FNIP2: variants seen among roughly 807,000 people sequenced by gnomAD.
FNIP2 encodes folliculin interacting protein 2.
A neutral mutation model predicts 108.7 loss-of-function variants in FNIP2; 32 were observed. The observed-to-expected ratio is 0.29, with a 90% CI of 0.22 to 0.40. FNIP2 has a LOEUF of 0.40. FNIP2 is among the 10% of genes least tolerant of loss of function. The pLI, the probability that FNIP2 is intolerant of heterozygous loss-of-function variation, is 1.00. For synonymous variants in FNIP2, 480 were observed against 496.7 expected, an observed-to-expected ratio of 0.97 and a Z score of 0.45; for missense variants, 1,202 against 1,381.6, an observed-to-expected ratio of 0.87 and a Z score of 2.06.
intron 14 of FNIP2, chr4:158,871,383 A>G (rs1475752632): frequency 1.0e-6 from 1 of 985,214 alleles, no homozygotes; most frequent in Non-Finnish European, 1.2e-6. Context: ...TTGGCCTGTT[A>G]CCTACCTCCT....
intron 1 of FNIP2, among the ~76,000 whole-genome samples, chr4:158,800,821 T>A (rs1273220730): frequency 6.6e-6 from 1 of 152,238 alleles, no homozygotes; most frequent in Admixed American, 6.5e-5. Flanking sequence ...ATAAGAATTT[T>A]CTATGTTTCA....
At chr4:158,888,331 T>A (rs920371346) in intron 14 of FNIP2, among the ~76,000 whole-genome samples, 2 of 152,220 alleles carry the variant, frequency 1.3e-5, no homozygotes. Flanking sequence ...GGGGCCTGCA[T>A]GCATAAAAGT....
intron 1 of FNIP2, among the ~76,000 whole-genome samples, chr4:158,821,016 G>C (rs1015029125): frequency 6.6e-6 from 1 of 152,232 alleles, no homozygotes; most frequent in African/African-American, 2.4e-5. Flanking sequence ...CTGTGTTTCA[G>C]ATCACTTGAA....
At chr4:158,844,276 G>A (rs1226552144) in intron 7 of FNIP2, among the ~76,000 whole-genome samples, 1 of 152,128 alleles carries the variant, frequency 6.6e-6, no homozygotes, top group East Asian at 1.9e-4. Flanking sequence ...ATATTTGAAT[G>A]AGGGGGGGAA....
chr4:158,822,547 G>A (rs1227362885), intron 1 of FNIP2, among the ~76,000 whole-genome samples: 1 of 152,034 alleles, frequency 6.6e-6, no homozygotes, highest in Non-Finnish European at 1.5e-5. Context: ...ACCAGAGTCG[G>A]AGTGCAGTGG....
intron 10 of FNIP2, 88 bp downstream of exon 10, chr4:158,859,754 G>C: frequency 8.9e-7 from 1 of 1,122,644 alleles, no homozygotes; most frequent in Non-Finnish European, 1.3e-6. Context: ...AGAATTGGGG[G>C]CCTGGCAGTT....
rs1780282960 is a variant in FNIP2, at chr4:158,861,343, G to A, written c.1150G>A (p.Gly384Arg). Reference protein sequence around the residue: ...RLMEALGEFRGTIWNLYSVPR... With the variant: ...RLMEALGEFRRTIWNLYSVPR... Reference sequence around the variant, plus strand: ...TTTCCCTCTCTTTCTGTTCTATAGAGGAACTATCTGGAACTTATATTCTGT... The same window carrying A: ...TTTCCCTCTCTTTCTGTTCTATAGAAGAACTATCTGGAACTTATATTCTGT... The change falls in exon 11 of 17, where the codon GGA (glycine) becomes AGA (arginine). Residue 384 changes from glycine (G) to arginine (R), a missense_variant and splice_region_variant. Gly to Arg is a moderately radical substitution (Grantham distance 125). Coordinates refer to ENST00000264433, the MANE Select transcript of FNIP2 (RefSeq NM_020840.3). 1 of 1,612,422 alleles carries A rather than the reference G, an allele frequency of 6.2e-7. No individual in the cohort carries two copies. The highest frequency in any genetic ancestry group is 1.7e-5 in the Admixed American group (1 of 59,690).
At chr4:158,776,202 A>AG (rs1187295185) in intron 1 of FNIP2, among the ~76,000 whole-genome samples, 1 of 152,196 alleles carries the variant, frequency 6.6e-6, no homozygotes, top group African/African-American at 2.4e-5. Flanking sequence ...CCAAAAGCTG[A>AG]GGGGGGCTAA....
chr4:158,778,874 T>C (rs1340790549), intron 1 of FNIP2, among the ~76,000 whole-genome samples: 1 of 152,230 alleles, frequency 6.6e-6, no homozygotes, highest in Non-Finnish European at 1.5e-5. Context: ...GTTGAAAGAT[T>C]CTTATGCCAT....
At chr4:158,888,755 G>A (rs1782142535) in intron 14 of FNIP2, among the ~76,000 whole-genome samples, 1 of 151,838 alleles carries the variant, frequency 6.6e-6, no homozygotes, top group Non-Finnish European at 1.5e-5. Flanking sequence ...TGGGTGTGAT[G>A]GTGCACACCT....
At chr4:158,849,317 A>G (rs891757600) in intron 7 of FNIP2, among the ~76,000 whole-genome samples, 6 of 152,212 alleles carry the variant, frequency 3.9e-5, no homozygotes, top group Non-Finnish European at 2.9e-5. Flanking sequence ...AAAGAAGGTC[A>G]GGAGAAGATC....
Position 158,869,143 on chromosome 4 carries a change from C to T in FNIP2, c.2507C>T (p.Ala836Val). ...AGGTGGRRLE[A>V]TRGLYVKAAE... ...GGAACGGGAGGGAGGAGGCTGGAGG[C>T]CACTAGAGGTTTGTATGTGAAGGCT... Residue 836 changes from alanine (A) to valine (V), a missense_variant, in exon 13 of 17, where the codon GCC becomes GTC. Ala to Val is a moderately conservative substitution (Grantham distance 64). Around this residue, in one of 5 missense-constraint regions of FNIP2, gnomAD observed 878 missense variants for 990.3 expected, o/e 0.89. Coordinates refer to ENST00000264433, the MANE Select transcript of FNIP2 (RefSeq NM_020840.3). 6.2e-7 allele frequency: 1 copy of T among 1,613,982 alleles called. No individual in the cohort carries two copies. The highest frequency in any genetic ancestry group is 8.5e-7 in the Non-Finnish European group (1 of 1,179,878).
chr4:158,828,398 G>A (rs986450904), intron 2 of FNIP2, among the ~76,000 whole-genome samples: 2 of 152,158 alleles, frequency 1.3e-5, no homozygotes, highest in South Asian at 2.1e-4. Context: ...GGCAGATCAC[G>A]AGGTCAAGAG....
At chr4:158,811,106 T>G (rs947371253) in intron 1 of FNIP2, among the ~76,000 whole-genome samples, 2 of 152,208 alleles carry the variant, frequency 1.3e-5, no homozygotes, top group African/African-American at 2.4e-5. Context: ...GAATCCACCC[T>G]GTGGGTTATA....
intron 14 of FNIP2, among the ~76,000 whole-genome samples, chr4:158,886,700 A>G (rs1259598859): frequency 1.3e-5 from 2 of 152,226 alleles, no homozygotes; most frequent in Non-Finnish European, 2.9e-5. Flanking sequence ...AGGGTAATTG[A>G]TGTCAGCATC....
intron 14 of FNIP2, among the ~76,000 whole-genome samples, chr4:158,885,000 A>T (rs563717022): frequency 4.9e-4 from 70 of 143,014 alleles, no homozygotes; most frequent in African/African-American, 1.8e-3. Context: ...AAAAAAAAAT[A>T]CAAAAATTAG....
chr4:158,833,452 C>T (rs1387277039), intron 5 of FNIP2, 76 bp from the exon 6 acceptor site: 1 of 832,572 alleles, frequency 1.2e-6, no homozygotes, highest in African/African-American at 1.7e-5. Context: ...ATTTGGAAGT[C>T]TATTAGAAAA....
chr4:158,805,521 G>A (rs1041651201), intron 1 of FNIP2, among the ~76,000 whole-genome samples: 1 of 152,116 alleles, frequency 6.6e-6, no homozygotes, highest in Non-Finnish European at 1.5e-5. Context: ...ATGGCTGCTC[G>A]TTATCATTTT....
chr4:158,868,655 A>G lies in FNIP2; in HGVS notation c.2019A>G (p.Ala673=). 6.2e-7 allele frequency: 1 copy of G among 1,614,038 alleles called. No homozygotes were observed. The change falls in exon 13 of 17, where the codon GCA becomes GCG. Residue 673 remains alanine, a synonymous_variant. Coordinates refer to ENST00000264433, the MANE Select transcript of FNIP2 (RefSeq NM_020840.3). The surrounding 1 kb of genome is among the most constrained non-coding windows in gnomAD (Gnocchi z 4.6). Reference sequence around the variant, plus strand: ...TTCCCAGCTGTGAAGTTTTGGGGGCAGGAATGAAGATGGACCAGCAAGCTG... The same window carrying G: ...TTCCCAGCTGTGAAGTTTTGGGGGCGGGAATGAAGATGGACCAGCAAGCTG... ...SRLPSCEVLG[A]GMKMDQQAVC...
Sources: allele counts gnomAD v4.1 joint callset (sites outside exome capture counted in the v4.1 genomes callset), GRCh38; gene constraint gnomAD v4.1.1; regional missense constraint gnomAD v4.1.1; non-coding constraint Gnocchi (gnomAD v3.1); transcripts MANE v1.5; gene names NCBI Gene and HGNC (gene_info 2026-07-23, HGNC 2026-07-21).